The following TENM4 variants were observed in gnomAD, a reference collection of about 807,000 sequenced individuals.
TENM4 encodes teneurin-4.
In TENM4, 82 loss-of-function variants were observed where a neutral mutation model predicts 243.3. The ratio of observed to expected loss-of-function variants is 0.34; its 90% CI spans 0.28 to 0.40. The LOEUF is 0.40. TENM4 is among the 10% of genes least tolerant of loss of function. The pLI is 1.00. For missense variants in TENM4, 3,138 were observed against 3,673.3 expected (o/e 0.85, Z 3.77); for synonymous variants, 1,412 against 1,456.3 (o/e 0.97, Z 0.69).
intron 6 of TENM4, among the ~76,000 whole-genome samples, chr11:78,962,973 C>G (rs1210352998): frequency 2.0e-5 from 3 of 152,216 alleles, no homozygotes; most frequent in African/African-American, 7.2e-5. Context: ...TTCTTAAATT[C>G]TGACATTCTC....
chr11:78,670,734 G>T (rs1449547629), intron 31 of TENM4, among the ~76,000 whole-genome samples, 183 bp from the exon 32 acceptor site: 1 of 152,164 alleles, frequency 6.6e-6, no homozygotes, highest in Non-Finnish European at 1.5e-5. Flanking sequence ...CTGCAAATAG[G>T]TTACAGATGT....
rs1173510312 is a variant in TENM4 at position 78,767,828 on chromosome 11, C to T, written c.2539+3164G>A. On this transcript the variant is annotated intron_variant, in intron 18 of 33. Transcript: ENST00000278550. ...TAAAGGCACTTATTTAATTCTGCTT[C>T]CATTAGATTGAGTCATCTGGATGAC... is the stretch of plus-strand genomic sequence containing the variant. Among the ~76,000 whole-genome samples, 3 of 152,192 alleles carry T rather than the reference C, an allele frequency of 2.0e-5. No homozygotes were observed. The East Asian group carries it at 5.8e-4, about 29-fold the overall frequency.
intron 1 of TENM4, among the ~76,000 whole-genome samples, chr11:79,317,414 G>C (rs939218820): frequency 6.6e-5 from 10 of 152,238 alleles, no homozygotes; most frequent in African/African-American, 2.2e-4. Flanking sequence ...GCGCAGACAG[G>C]CTATCTAATT....
chr11:78,856,151 T>A lies in TENM4; in HGVS notation c.1283A>T (p.Asp428Val). The stretch of plus-strand genomic sequence containing the variant: ...AATTTCTCCAGAATCTATGAAACTG[T>A]CCTCTGGAAAGAAACTACTGGGCTT... ...EGKPSSFFPEDSFIDSGEIDV... is the reference protein window; with the variant it reads ...EGKPSSFFPEVSFIDSGEIDV... Residue 428 changes from aspartate (D) to valine (V), a missense_variant, in exon 11 of 34, where the codon GAC becomes GTC. By Grantham distance (152) the Asp-to-Val change is radical (BLOSUM62 -3). This residue lies in a region of TENM4 where 671 missense variants were observed against 614.1 expected (regional missense o/e 1.09). Transcript: ENST00000278550. 6.4e-7 allele frequency: 1 copy of A among 1,551,478 alleles called. No homozygotes were observed. Among genetic ancestry groups the A allele is most frequent in the Non-Finnish European group, 8.7e-7 (1 of 1,146,924 alleles).
At chr11:79,350,849 T>A (rs1857402844) in intron 1 of TENM4, among the ~76,000 whole-genome samples, 1 of 152,092 alleles carries the variant, frequency 6.6e-6, no homozygotes, top group African/African-American at 2.4e-5. Flanking sequence ...AAAAAGTGTA[T>A]CAATCATGTC....
At chr11:79,269,276 AT>A (rs1264130284) in intron 2 of TENM4, among the ~76,000 whole-genome samples, 5 of 152,240 alleles carry the variant, frequency 3.3e-5, no homozygotes, top group South Asian at 2.1e-4. Flanking sequence ...CAATAAAGCT[AT>A]AACTAATTCA....
intron 6 of TENM4, among the ~76,000 whole-genome samples, chr11:78,944,514 G>A (rs1387258058): frequency 6.6e-6 from 1 of 152,198 alleles, no homozygotes; most frequent in African/African-American, 2.4e-5. Context: ...TGAAGGGCTA[G>A]GCTAAGAGAC....
chr11:78,686,401 G>C lies in TENM4; in HGVS notation c.5260+1653C>G, dbSNP rs1334423213. 2.6e-5 allele frequency among the ~76,000 whole-genome samples: 4 copies of C among 152,314 alleles called. No homozygotes were observed. In the East Asian group the frequency reaches 7.7e-4, roughly 29 times the overall value. ...TGTCCTTTATGATCAACTGGTAAAT[G>C]TAAGTATTTCTCTAGTCCTGTGAGC... is the stretch of plus-strand genomic sequence containing the variant. On this transcript the variant is annotated intron_variant, in intron 29 of 33. Coordinates refer to ENST00000278550, the MANE Select transcript of TENM4 (RefSeq NM_001098816.3).
rs570714321 is a variant in TENM4, at chr11:79,298,143, G to C, written c.-320-600C>G. On this transcript the variant is annotated intron_variant, in intron 1 of 33. Coordinates refer to ENST00000278550, the MANE Select transcript of TENM4 (RefSeq NM_001098816.3). Reference sequence around the variant, plus strand: ...AAGGCCTTTCCAGGTGTGTGGTCAGGTCTCTGACAGGCACTGTCCATACCT... The same window carrying C: ...AAGGCCTTTCCAGGTGTGTGGTCAGCTCTCTGACAGGCACTGTCCATACCT... Among the ~76,000 whole-genome samples, 190 of 152,124 alleles carry C rather than the reference G, an allele frequency of 1.2e-3. 1 individual carries two copies. Among genetic ancestry groups the C allele is most frequent in the African/African-American group, 4.2e-3 (173 of 41,496 alleles).
intron 2 of TENM4, among the ~76,000 whole-genome samples, chr11:79,279,877 C>T (rs1856124867): frequency 6.6e-6 from 1 of 152,138 alleles, no homozygotes; most frequent in Non-Finnish European, 1.5e-5. Context: ...AGAGGTGTGA[C>T]CTTTGGGAGG....
intron 3 of TENM4, among the ~76,000 whole-genome samples, chr11:79,198,707 G>A (rs1431686790): frequency 6.6e-6 from 1 of 152,236 alleles, no homozygotes; most frequent in Admixed American, 6.5e-5. Context: ...TGACAAATAT[G>A]TATTGGGGAC....
intron 3 of TENM4, among the ~76,000 whole-genome samples, chr11:79,164,993 GTGTA>G (rs1386289557): frequency 6.7e-6 from 1 of 149,442 alleles, no homozygotes; most frequent in Non-Finnish European, 1.5e-5. Flanking sequence ...GTGTGTGTGT[GTGTA>G]TACATATATA....
At chr11:79,416,826 C>T (rs568801448) in intron 1 of TENM4, among the ~76,000 whole-genome samples, 8 of 151,682 alleles carry the variant, frequency 5.3e-5, no homozygotes, top group South Asian at 2.1e-4. Context: ...GCAAAGCTTG[C>T]GTCTTCTATC....
At chr11:79,001,729 G>GC (rs1416170475) in intron 6 of TENM4, among the ~76,000 whole-genome samples, 2 of 152,076 alleles carry the variant, frequency 1.3e-5, no homozygotes, top group African/African-American at 2.4e-5. Flanking sequence ...TGAACTAATT[G>GC]CCCCCCTGTA....
At chr11:78,780,382 CTCTTGTGGT>C (rs1856817507) in intron 16 of TENM4, among the ~76,000 whole-genome samples, 1 of 152,282 alleles carries the variant, frequency 6.6e-6, no homozygotes, top group Non-Finnish European at 1.5e-5. Context: ...AATCACCTGG[CTCTTGTGGT>C]TTTGTTAGCT....
chr11:79,120,440 C>T (rs1192657482), intron 4 of TENM4, among the ~76,000 whole-genome samples: 2 of 152,190 alleles, frequency 1.3e-5, no homozygotes, highest in African/African-American at 4.8e-5. Flanking sequence ...TAGTGCCCAC[C>T]ATGGGCATGA....
rs113368101 is a variant in TENM4 at position 79,235,918 on chromosome 11, C to T, written c.-264-20009G>A. Among the ~76,000 whole-genome samples the T allele has an allele frequency of 6.9e-3, 1,055 of 151,994 alleles. 11 individuals are homozygous for T. Among genetic ancestry groups the T allele is most frequent in the African/African-American group, 0.023 (961 of 41,452 alleles). On this transcript the variant is annotated intron_variant, in intron 2 of 33. Transcript: ENST00000278550. The stretch of plus-strand genomic sequence containing the variant: ...TTTTGCTTGTTTAGATGGATTCTTT[C>T]GTGCCCTGATGCCTGAGGTTCAAGC...
chr11:78,948,097 C>G (rs1406645263), intron 6 of TENM4, among the ~76,000 whole-genome samples: 1 of 152,114 alleles, frequency 6.6e-6, no homozygotes, highest in Non-Finnish European at 1.5e-5. Context: ...AATCTCAACC[C>G]TAAGGAAAAG....
intron 5 of TENM4, among the ~76,000 whole-genome samples, chr11:79,066,573 C>T (rs535576368): frequency 1.9e-4 from 29 of 152,280 alleles, no homozygotes; most frequent in South Asian, 4.2e-4. Flanking sequence ...GACGTGCACG[C>T]GCACACACAC....
Sources: allele counts gnomAD v4.1 joint callset (sites outside exome capture counted in the v4.1 genomes callset), GRCh38; gene constraint gnomAD v4.1.1; regional missense constraint gnomAD v4.1.1; transcripts MANE v1.5; gene names NCBI Gene and HGNC (gene_info 2026-07-23, HGNC 2026-07-21).